Variants in TP53BP1 observed in about 807,000 individuals in gnomAD.
The protein encoded by TP53BP1 is tumor protein p53 binding protein 1.
TP53BP1 carries 61 observed loss-of-function variants against 200.8 expected under a neutral mutation model. The ratio of observed to expected loss-of-function variants is 0.30; its 90% CI spans 0.25 to 0.38. The LOEUF is 0.38. Ranked by LOEUF, TP53BP1 falls within the 10% of genes least tolerant of loss-of-function variation. The pLI, the probability that TP53BP1 is intolerant of heterozygous loss-of-function variation, is 1.00. For synonymous variants in TP53BP1, 822 were observed against 844.3 expected, an observed-to-expected ratio of 0.97 and a Z score of 0.46; for missense variants, 2,144 against 2,371.9, an observed-to-expected ratio of 0.90 and a Z score of 2.00.
upstream of TP53BP1, among the ~76,000 whole-genome samples, chr15:43,496,799 T>C (rs920666659): frequency 9.9e-5 from 15 of 152,054 alleles, no homozygotes; most frequent in African/African-American, 3.6e-4. Flanking sequence ...ATTTTGTATT[T>C]TTAGTAGAGA....
rs1030108201 is a variant in TP53BP1 at position 43,446,643 on chromosome 15, CAAA to C, written c.2837-56_2837-54del. 5.7e-6 allele frequency: 9 copies of C among 1,586,106 alleles called. No homozygotes were observed. The African/African-American group carries it at 1.1e-4, about 19-fold the overall frequency. On this transcript the variant is annotated intron_variant, in intron 13 of 27. Coordinates refer to ENST00000382044, the MANE Select transcript of TP53BP1 (RefSeq NM_001141980.3). The stretch of plus-strand genomic sequence containing the variant: ...AAAAAAGAACACTAAAATACAAACA[CAAA>C]AAACAGCAATTCAAGGTCATCAATT...
chr15:43,480,810 T>C (rs1206367728), intron 5 of TP53BP1, 85 bp downstream of exon 5: 2 of 1,452,522 alleles, frequency 1.4e-6, no homozygotes, highest in East Asian at 2.3e-5. Context: ...TGCAACCTAA[T>C]AAAGAGGAGA....
chr15:43,484,969 CA>C (rs2079025689), intron 4 of TP53BP1, among the ~76,000 whole-genome samples: 1 of 151,950 alleles, frequency 6.6e-6, no homozygotes, highest in Non-Finnish European at 1.5e-5. Context: ...AGGCTGCTCT[CA>C]AACTCCTGGG....
Position 43,432,491 on chromosome 15 carries a change from C to T in TP53BP1, c.3378G>A (p.Val1126=), listed in dbSNP as rs778133068. The stretch of plus-strand genomic sequence containing the variant: ...CTTTCTGGTCTTCTAGCACATCTGT[C>T]ACCATTGCCTCTCCTTGAGGACTGG... ...GPSSPQGEAM[V]TDVLEDQKEG... The change falls in exon 17 of 28, where the codon GTG becomes GTA. Residue 1126 remains valine, a synonymous_variant. Coordinates refer to ENST00000382044, the MANE Select transcript of TP53BP1 (RefSeq NM_001141980.3). 23 of 1,614,050 alleles carry T rather than the reference C, an allele frequency of 1.4e-5. No homozygotes were observed. Among genetic ancestry groups the T allele is most frequent in the Non-Finnish European group, 1.7e-5 (20 of 1,180,052 alleles).
At chr15:43,488,809 G>A (rs771675054) in intron 4 of TP53BP1, among the ~76,000 whole-genome samples, 7 of 152,150 alleles carry the variant, frequency 4.6e-5, no homozygotes, top group South Asian at 4.1e-4. Context: ...CAAGAGAATC[G>A]CTTGAACCTG....
intron 11 of TP53BP1, among the ~76,000 whole-genome samples, chr15:43,463,675 G>C (rs2046494048): frequency 6.6e-6 from 1 of 152,176 alleles, no homozygotes; most frequent in Admixed American, 6.5e-5. Flanking sequence ...TTTAGCAGAA[G>C]AGTGAAAGCT....
chr15:43,465,019 T>C (rs183192757), intron 11 of TP53BP1, among the ~76,000 whole-genome samples: 40 of 152,254 alleles, frequency 2.6e-4, no homozygotes, highest in African/African-American at 9.6e-4. Flanking sequence ...GAAAATCTGA[T>C]ACATGCTACA....
At chr15:43,441,612 A>T in intron 14 of TP53BP1, 29 bp from the exon 15 acceptor site, 1 of 1,546,598 alleles carries the variant, frequency 6.5e-7, no homozygotes, top group Non-Finnish European at 8.9e-7. Flanking sequence ...AAGGAGAGAA[A>T]GGAAAGAGAA....
At chr15:43,479,275 C>A in intron 7 of TP53BP1, 122 bp downstream of exon 7, 1 of 1,031,478 alleles carries the variant, frequency 9.7e-7, no homozygotes, top group Non-Finnish European at 1.4e-6. Flanking sequence ...ACAAGTATGC[C>A]CAGTACAAGG....
intron 11 of TP53BP1, among the ~76,000 whole-genome samples, chr15:43,457,670 T>A (rs1274075380): frequency 3.8e-5 from 1 of 26,514 alleles, no homozygotes. Context: ...AGACTCCATC[T>A]CAAAAAAAAA....
In TP53BP1 at chr15:43,479,902, G is replaced by C. The variant is rs1174243198; in HGVS notation, c.615C>G (p.Thr205=). ...CAGACAGCCTGGTATAACCAGAGTT[G>C]GTGGTTACTGATTGTAGCTGCTCTT... ...VDKEQLQSVT[T]NSGYTRLSDV... Residue 205 remains threonine, a synonymous_variant, in exon 6 of 28, where the codon ACC becomes ACG. Transcript: ENST00000382044. 1 of 1,614,148 alleles carries C rather than the reference G, an allele frequency of 6.2e-7. No individual in the cohort carries two copies. Among genetic ancestry groups the C allele is most frequent in the South Asian group, 1.1e-5 (1 of 91,080 alleles).
rs897242719 is a variant in TP53BP1, at chr15:43,406,918, TC to T, written c.*464del. 1.2e-5 allele frequency: 3 copies of T among 242,498 alleles called. No individual in the cohort carries two copies. Among genetic ancestry groups the T allele is most frequent in the African/African-American group, 6.9e-5 (3 of 43,786 alleles). 15.0% of individuals were successfully genotyped at this position (242,498 alleles called of 1,614,324 possible). On this transcript the variant is annotated 3_prime_UTR_variant, in exon 28 of 28. Transcript: ENST00000382044. ...CTCAGCTCAGAGAGAGAGCATGAGG[TC>T]TTTTTTAACTGTCAGGAAACAGAGC...
chr15:43,476,845 T>A lies in TP53BP1; in HGVS notation c.955+748A>T, dbSNP rs368834898. ...GGAGGTTAAAGAGGTGTGAAACAAA[T>A]TATATCCTTTTAAGTTTTATGTCCT... On this transcript the variant is annotated intron_variant, in intron 8 of 27. Coordinates refer to ENST00000382044, the MANE Select transcript of TP53BP1 (RefSeq NM_001141980.3). Among the ~76,000 whole-genome samples, 4 of 152,350 alleles carry A rather than the reference T, an allele frequency of 2.6e-5. No individual in the cohort carries two copies. The East Asian group carries it at 7.7e-4, about 29-fold the overall frequency.
chr15:43,480,194 A>G (rs1017680330), intron 5 of TP53BP1, among the ~76,000 whole-genome samples, 177 bp from the exon 6 acceptor site: 1 of 152,186 alleles, frequency 6.6e-6, no homozygotes, highest in African/African-American at 2.4e-5. Context: ...CACACCTATA[A>G]TCCCGGCATT....
intron 4 of TP53BP1, among the ~76,000 whole-genome samples, chr15:43,488,833 G>C (rs544386612): frequency 4.6e-5 from 7 of 152,246 alleles, no homozygotes; most frequent in Non-Finnish European, 7.4e-5. Context: ...GGCAGAGGTT[G>C]CAGTGAGCCA....
chr15:43,480,989 A>G lies in TP53BP1; in HGVS notation c.405T>C (p.Ala135=), dbSNP rs761725429. 6.2e-7 allele frequency: 1 copy of G among 1,614,054 alleles called. No homozygotes were observed. Among genetic ancestry groups the G allele is most frequent in the East Asian group, 2.2e-5 (1 of 44,866 alleles). The change falls in exon 5 of 28, where the codon GCT becomes GCC. Residue 135 remains alanine, a synonymous_variant. Transcript: ENST00000382044. The stretch of plus-strand genomic sequence containing the variant: ...ACTCTTCTCCCTTCTCTTCCTCCAC[A>G]GCAGGAGCAGATTCCACTGACATTC... ...VLGMSVESAP[A]VEEEKGEELE...
At chr15:43,494,408 C>G (rs1288989696), upstream of TP53BP1, among the ~76,000 whole-genome samples, 1 of 152,168 alleles carries the variant, frequency 6.6e-6, no homozygotes, top group Non-Finnish European at 1.5e-5. Flanking sequence ...AGCATGTTGT[C>G]TGAATACACG....
chr15:43,441,346 C>T (rs2045921417), intron 15 of TP53BP1, 180 bp downstream of exon 15: 1 of 498,926 alleles, frequency 2.0e-6, no homozygotes, highest in East Asian at 3.1e-5. Flanking sequence ...AAAAGCTTCA[C>T]TGAACTTAAA....
chr15:43,422,131 A>T lies in TP53BP1; in HGVS notation c.3829-5T>A. ...TACAATTGGCTCTTCAGTCTCCTGC[A>T]AGGAAAAAATAGATACAGAAGATAA... is the stretch of plus-strand genomic sequence containing the variant. On this transcript the variant is annotated splice_polypyrimidine_tract_variant and splice_region_variant and intron_variant, in intron 18 of 27. Transcript: ENST00000382044. The T allele has an allele frequency of 1.2e-6, 2 of 1,612,486 alleles. No individual in the cohort carries two copies. Among genetic ancestry groups the T allele is most frequent in the Non-Finnish European group, 1.7e-6 (2 of 1,179,428 alleles).
Sources: allele counts gnomAD v4.1 joint callset (sites outside exome capture counted in the v4.1 genomes callset), GRCh38; gene constraint gnomAD v4.1.1; transcripts MANE v1.5; gene names NCBI Gene and HGNC (gene_info 2026-07-23, HGNC 2026-07-21).